ATRNL1: variants seen among roughly 807,000 people sequenced by gnomAD.
The protein encoded by ATRNL1 is attractin-like protein 1.
Under a neutral mutation model 182.7 loss-of-function variants are expected in ATRNL1, and 95 were observed. The observed-to-expected ratio is 0.52, with a 90% CI of 0.44 to 0.62. The LOEUF is 0.62. ATRNL1 is among the 20% of genes least tolerant of loss of function. ATRNL1 has a pLI of 0.00. For synonymous variants in ATRNL1, 576 were observed against 568.3 expected (o/e 1.01, Z -0.19); for missense variants, 1,471 against 1,679.5 (o/e 0.88, Z 2.17).
chr10:115,533,684 A>T (rs1285159332), intron 25 of ATRNL1, among the ~76,000 whole-genome samples: 1 of 150,248 alleles, frequency 6.7e-6, no homozygotes, highest in Non-Finnish European at 1.5e-5. Context: ...TAGTTCTTTT[A>T]ATTGTGATGT....
chr10:115,914,557 C>A (rs1293536270), intron 28 of ATRNL1, among the ~76,000 whole-genome samples: 1 of 152,186 alleles, frequency 6.6e-6, no homozygotes, highest in Non-Finnish European at 1.5e-5. Flanking sequence ...CTTCCAGGTG[C>A]CTGGTGTATT....
chr10:115,102,935 G>A lies in ATRNL1; in HGVS notation c.293+8892G>A, dbSNP rs140047036. Among the ~76,000 whole-genome samples the A allele has an allele frequency of 4.0e-3, 608 of 151,170 alleles. 2 individuals are homozygous for A. The highest frequency in any genetic ancestry group is 0.013 in the African/African-American group (526 of 41,134). On this transcript the variant is annotated intron_variant, in intron 1 of 28. Coordinates refer to ENST00000355044, the MANE Select transcript of ATRNL1 (RefSeq NM_207303.4). ...TATGTAAATAATATTGAATTATCTCGTTCTTCATTGCAGTATGTTTTTTTC... is the reference window on the plus strand; with the variant it reads ...TATGTAAATAATATTGAATTATCTCATTCTTCATTGCAGTATGTTTTTTTC...
chr10:115,265,350 T>C lies in ATRNL1; in HGVS notation c.1772+73T>C, dbSNP rs1851566020. ...ATACTATCCTCATATTCTGGTATTC[T>C]TTTTGAAAATTATCATTGGTACTTA... On this transcript the variant is annotated intron_variant, in intron 11 of 28. Coordinates refer to ENST00000355044, the MANE Select transcript of ATRNL1 (RefSeq NM_207303.4). The C allele has an allele frequency of 1.3e-5, 12 of 920,796 alleles. No homozygotes were observed. The South Asian group carries it at 1.9e-4, about 15-fold the overall frequency. The allele number at this position is 920,796 out of a possible 1,614,324, so 57.0% of individuals were successfully genotyped here.
At chr10:115,541,238 C>A (rs1852340553) in intron 25 of ATRNL1, among the ~76,000 whole-genome samples, 1 of 152,064 alleles carries the variant, frequency 6.6e-6, no homozygotes, top group Admixed American at 6.6e-5. Flanking sequence ...CTCCTTTCTC[C>A]AAAAATGACA....
intron 27 of ATRNL1, among the ~76,000 whole-genome samples, chr10:115,801,182 T>C (rs1289708887): frequency 6.6e-6 from 1 of 152,194 alleles, no homozygotes; most frequent in Non-Finnish European, 1.5e-5. Context: ...CGTTCATTAG[T>C]GACTCAGACC....
intron 8 of ATRNL1, among the ~76,000 whole-genome samples, chr10:115,212,302 CT>C (rs57431916): frequency 0.32 from 45,518 of 144,438 alleles, 8,064 homozygotes; most frequent in Middle Eastern, 0.45. Context: ...TTTTTTTTAA[CT>C]TTTTTTTTTT....
intron 28 of ATRNL1, among the ~76,000 whole-genome samples, chr10:115,873,648 C>T (rs1951635359): frequency 6.6e-6 from 1 of 152,112 alleles, no homozygotes; most frequent in African/African-American, 2.4e-5. Flanking sequence ...GGAGAAGACA[C>T]CTCGTTTCTC....
At chr10:115,397,419 G>A (rs1173251826) in intron 20 of ATRNL1, among the ~76,000 whole-genome samples, 7 of 151,670 alleles carry the variant, frequency 4.6e-5, no homozygotes, top group African/African-American at 1.7e-4. Flanking sequence ...AACTGAAATC[G>A]GTTCTCTTCA....
In ATRNL1 at chr10:115,218,567, A is replaced by G. The variant is rs1047984646; in HGVS notation, c.1532+2687A>G. Among the ~76,000 whole-genome samples the G allele has an allele frequency of 2.0e-5, 3 of 152,230 alleles. No individual in the cohort carries two copies. The East Asian group carries it at 5.8e-4, about 29-fold the overall frequency. On this transcript the variant is annotated intron_variant, in intron 9 of 28. Transcript: ENST00000355044. Reference sequence around the variant, plus strand: ...GAAGTAATGCTGAAATTCTTTTGTAAGCTGTAATAGTTGTTCATGCACCAG... The same window carrying G: ...GAAGTAATGCTGAAATTCTTTTGTAGGCTGTAATAGTTGTTCATGCACCAG...
At chr10:115,531,193 T>G (rs560731259) in intron 25 of ATRNL1, among the ~76,000 whole-genome samples, 4,807 of 151,332 alleles carry the variant, frequency 0.032, 255 homozygotes, top group African/African-American at 0.11. Flanking sequence ...GATCCCTGAG[T>G]AATCGCCACA....
chr10:115,511,126 T>C (rs956997602), intron 24 of ATRNL1, among the ~76,000 whole-genome samples: 4 of 152,010 alleles, frequency 2.6e-5, no homozygotes, highest in African/African-American at 9.7e-5. Context: ...ATGTTTTATT[T>C]TGTCTTTTAC....
intron 18 of ATRNL1, among the ~76,000 whole-genome samples, 175 bp downstream of exon 18, chr10:115,315,911 G>T (rs1407656337): frequency 2.6e-5 from 4 of 152,154 alleles, no homozygotes; most frequent in African/African-American, 9.7e-5. Flanking sequence ...GTTTATGCAG[G>T]TGGTATTCAG....
intron 25 of ATRNL1, among the ~76,000 whole-genome samples, chr10:115,520,161 T>C (rs1592776839): frequency 6.6e-6 from 1 of 152,136 alleles, no homozygotes; most frequent in Non-Finnish European, 1.5e-5. Flanking sequence ...TTGGAAATAG[T>C]GCAGTATGAA....
At chr10:115,865,716 C>A (rs1263070751) in intron 28 of ATRNL1, among the ~76,000 whole-genome samples, 1 of 152,052 alleles carries the variant, frequency 6.6e-6, no homozygotes, top group Non-Finnish European at 1.5e-5. Flanking sequence ...AGTTGCAGAC[C>A]TGATTTTAGA....
At chr10:115,312,349 C>T (rs1554928124) in intron 17 of ATRNL1, among the ~76,000 whole-genome samples, 1 of 152,112 alleles carries the variant, frequency 6.6e-6, no homozygotes, top group African/African-American at 2.4e-5. Flanking sequence ...GACTTTATTT[C>T]TCCTTCATTT....
intron 28 of ATRNL1, among the ~76,000 whole-genome samples, chr10:115,908,289 G>A (rs781999952): frequency 6.6e-6 from 1 of 152,160 alleles, no homozygotes; most frequent in Non-Finnish European, 1.5e-5. Context: ...CTGGAGGTCG[G>A]AAGTCTAAAA....
At chr10:115,267,998 T>A (rs1240724245) in intron 12 of ATRNL1, among the ~76,000 whole-genome samples, 5 of 152,068 alleles carry the variant, frequency 3.3e-5, no homozygotes, top group Admixed American at 3.3e-4. Context: ...TGACCTCAAG[T>A]GATCCGTCTA....
intron 27 of ATRNL1, among the ~76,000 whole-genome samples, chr10:115,761,911 A>G (rs1338625584): frequency 6.6e-6 from 1 of 152,168 alleles, no homozygotes; most frequent in Non-Finnish European, 1.5e-5. Flanking sequence ...AATAACCATT[A>G]CTTTCCTCCC....
At chr10:115,731,603 T>C (rs183886401) in intron 27 of ATRNL1, among the ~76,000 whole-genome samples, 1 of 150,506 alleles carries the variant, frequency 6.6e-6, no homozygotes, top group Admixed American at 6.6e-5. Flanking sequence ...GGAAATAGCT[T>C]TATTGAAATA....
Sources: gnomAD v4.1 joint callset for allele counts (sites outside exome capture counted in the v4.1 genomes callset) on GRCh38, gnomAD v4.1.1 for gene constraint, MANE v1.5 for transcripts, NCBI Gene and HGNC (gene_info 2026-07-23, HGNC 2026-07-21) for gene names.